The following SEPTIN3 variants were observed in gnomAD, a reference collection of about 807,000 sequenced individuals.
SEPTIN3 encodes the protein septin 3, also known as neuronal-specific septin-3.
SEPTIN3 carries 15 observed loss-of-function variants against 45.1 expected under a neutral mutation model. That is an observed-to-expected ratio of 0.33 (90% CI 0.22 to 0.51). The LOEUF is 0.51. Among genes scored for constraint, SEPTIN3 ranks in the 20% least tolerant of loss-of-function variants. SEPTIN3 has a pLI of 0.97. For synonymous variants in SEPTIN3, 148 were observed against 164.8 expected, an observed-to-expected ratio of 0.90 and a Z score of 0.78; for missense variants, 289 against 457.2, an observed-to-expected ratio of 0.63 and a Z score of 3.35.
intron 11 of SEPTIN3, chr22:41,995,361 A>G: frequency 1.0e-6 from 1 of 987,894 alleles, no homozygotes; most frequent in Non-Finnish European, 1.2e-6. Flanking sequence ...GTGCCTACAA[A>G]TGGAGCTCCA....
At position 41,974,650 on chromosome 22, in the gene SEPTIN3, G is replaced by T. The variant is rs543667519; in HGVS notation, c.1504+1654G>T. 4.1e-5 allele frequency among the ~76,000 whole-genome samples: 6 copies of T among 144,620 alleles called. No individual in the cohort carries two copies. In the South Asian group the frequency reaches 1.3e-3, roughly 31 times the overall value. 94.9% of individuals were successfully genotyped at this position (144,620 alleles called of 152,430 possible). The stretch of plus-strand genomic sequence containing the variant: ...TGCAATCCAGCCTGGGTGACAGAGT[G>T]AGACTCCGTCTCAAAAAAAAAAAAA... On this transcript the variant is annotated intron_variant, in intron 2 of 11. Transcript: ENST00000644076.
chr22:41,983,868 G>A (rs1200688292), intron 3 of SEPTIN3, among the ~76,000 whole-genome samples: 6 of 152,176 alleles, frequency 3.9e-5, no homozygotes, highest in Non-Finnish European at 5.9e-5. Flanking sequence ...CTCACACTAA[G>A]CAGCTCCTTG....
intron 6 of SEPTIN3, 43 bp downstream of exon 6, chr22:41,987,802 T>G (rs535874039): frequency 5.1e-6 from 8 of 1,581,286 alleles, no homozygotes; most frequent in Non-Finnish European, 6.9e-6. Flanking sequence ...TGGTCTGGTT[T>G]GTATCATCTG....
At chr22:41,985,870 C>T in intron 3 of SEPTIN3, 114 bp from the exon 4 acceptor site, 1 of 1,316,352 alleles carries the variant, frequency 7.6e-7, no homozygotes, top group Middle Eastern at 2.0e-4. Flanking sequence ...AGTGAGTGGT[C>T]AGACAAGGTG....
In SEPTIN3 at chr22:41,989,579, G is replaced by A. The variant is rs1015748188; in HGVS notation, c.2058G>A (p.Leu686=). The change falls in exon 7 of 12, where the codon CTG becomes CTA. Residue 686 remains leucine (L), a synonymous_variant. Coordinates refer to ENST00000644076, the MANE Select transcript of SEPTIN3 (RefSeq NM_001363845.2). ...ISPTGHSLRP[L]DLEFMKHLSK... Reference sequence around the variant, plus strand: ...TTCTGTGCCCCAGCTTGCGACCTCTGGATCTTGAGTTCATGAAACACCTCA... The same window carrying A: ...TTCTGTGCCCCAGCTTGCGACCTCTAGATCTTGAGTTCATGAAACACCTCA... 6.2e-7 allele frequency: 1 copy of A among 1,613,444 alleles called. No individual in the cohort carries two copies. The highest frequency in any genetic ancestry group is 8.5e-7 in the Non-Finnish European group (1 of 1,179,494).
In SEPTIN3 at chr22:41,994,255, A is replaced by C; in HGVS notation, c.2360-35A>C. 3 of 1,609,444 alleles carry C rather than the reference A, an allele frequency of 1.9e-6. No individual in the cohort carries two copies. Among genetic ancestry groups the C allele is most frequent in the Non-Finnish European group, 2.5e-6 (3 of 1,177,410 alleles). On this transcript the variant is annotated intron_variant, in intron 9 of 11. Transcript: ENST00000644076. The surrounding 1 kb of genome is among the most constrained non-coding windows in gnomAD (Gnocchi z 4.2). ...TGGGTGTTGCTGTATTAATGAACTG[A>C]CTACCTGTTTTGCTTTGTTTTGTTT...
At position 41,971,566 on chromosome 22, in the gene SEPTIN3, C is replaced by T. The variant is rs1223030349; in HGVS notation, c.74C>T (p.Ser25Phe). 3 of 399,114 alleles carry T rather than the reference C, an allele frequency of 7.5e-6. No individual in the cohort carries two copies. Among genetic ancestry groups the T allele is most frequent in the African/African-American group, 4.1e-5 (2 of 48,618 alleles). 24.7% of individuals were successfully genotyped at this position (399,114 alleles called of 1,614,324 possible). Residue 25 changes from serine (S) to phenylalanine (F), a missense_variant, in exon 2 of 12, where the codon TCC becomes TTC. This residue lies in a region of SEPTIN3 where 200 missense variants were observed against 315.1 expected (regional missense o/e 0.63). Transcript: ENST00000644076. ...HGAPGPGTSF[S>F]HSHVLGRPIR... Reference sequence around the variant, plus strand: ...GCTCCAGGCCCGGGAACCTCCTTCTCCCATAGCCATGTGCTGGGGCGCCCT... The same window carrying T: ...GCTCCAGGCCCGGGAACCTCCTTCTTCCATAGCCATGTGCTGGGGCGCCCT...
chr22:41,972,931 A>G lies in SEPTIN3; in HGVS notation c.1439A>G (p.Asn480Ser), dbSNP rs1274757101. The change falls in exon 2 of 12, where the codon AAC (asparagine) becomes AGC (serine). Residue 480 changes from asparagine (N) to serine (S), a missense_variant. By Grantham distance (46) the Asn-to-Ser change is conservative (BLOSUM62 1). This residue lies in a region of SEPTIN3 where 200 missense variants were observed against 315.1 expected (regional missense o/e 0.63). Coordinates refer to ENST00000644076, the MANE Select transcript of SEPTIN3 (RefSeq NM_001363845.2). ...AGATCCACAGACCTAGCCCTGGACA[A>G]CACTAATGCTGCCATGGACAGAGCC... ...PSRSTDLALD[N>S]TNAAMDRATE... The G allele has an allele frequency of 2.3e-5, 9 of 399,028 alleles. No individual in the cohort carries two copies. Among genetic ancestry groups the G allele is most frequent in the Non-Finnish European group, 3.5e-5 (8 of 226,212 alleles). The allele number at this position is 399,028 out of a possible 1,614,324, so 24.7% of individuals were successfully genotyped here. A position where few individuals can be genotyped will look rare whatever the true frequency, so the allele number is the denominator to read the frequency against.
At position 41,989,618 on chromosome 22, in the gene SEPTIN3, C is replaced by T; in HGVS notation, c.2097C>T (p.Asn699=). The T allele has an allele frequency of 1.2e-6, 2 of 1,614,148 alleles. No individual in the cohort carries two copies. Among genetic ancestry groups the T allele is most frequent in the South Asian group, 1.1e-5 (1 of 91,076 alleles). ...EFMKHLSKVV[N]IIPVIAKADT... ...TGAAACACCTCAGCAAGGTTGTGAA[C>T]ATCATCCCTGTCATTGCTAAGGCTG... is the stretch of plus-strand genomic sequence containing the variant. Residue 699 remains asparagine, a synonymous_variant, in exon 7 of 12, where the codon AAC becomes AAT. Transcript: ENST00000644076.
intron 7 of SEPTIN3, among the ~76,000 whole-genome samples, chr22:41,990,538 G>A (rs1198210535): frequency 1.9e-4 from 28 of 148,576 alleles, no homozygotes; most frequent in African/African-American, 6.7e-4. Context: ...GAAGTCAGGA[G>A]ATCAAGACCA....
Position 41,987,605 on chromosome 22 carries a change from C to T in SEPTIN3, c.1908-17C>T. The T allele has an allele frequency of 6.2e-7, 1 of 1,603,292 alleles. No individual in the cohort carries two copies. On this transcript the variant is annotated splice_polypyrimidine_tract_variant and intron_variant, in intron 5 of 11. Coordinates refer to ENST00000644076, the MANE Select transcript of SEPTIN3 (RefSeq NM_001363845.2). The stretch of plus-strand genomic sequence containing the variant: ...CTTGTTCTTCTGATGCATCTATCTA[C>T]TTTCCCTCCCCATCAGCTGGGAGCC...
chr22:41,990,638 C>T (rs1602420686), intron 7 of SEPTIN3, among the ~76,000 whole-genome samples: 2 of 146,510 alleles, frequency 1.4e-5, no homozygotes, highest in South Asian at 2.2e-4. Flanking sequence ...CCCAGCTACT[C>T]AGGAGGCTGA....
rs3221808 is a variant in SEPTIN3, at chr22:41,994,879, TTGTC to T, written c.2505+169_2505+172del. 8 of 1,442,446 alleles carry T rather than the reference TTGTC, an allele frequency of 5.5e-6. No homozygotes were observed. The highest frequency in any genetic ancestry group is 6.3e-6 in the Non-Finnish European group (7 of 1,105,298). 89.4% of individuals were successfully genotyped at this position (1,442,446 alleles called of 1,614,324 possible). The stretch of plus-strand genomic sequence containing the variant: ...GCCTGTCTGGTATTTGTGGAGCATC[TTGTC>T]TGTGTGTGTGTGTGTGTGTGTGTGT... On this transcript the variant is annotated intron_variant, in intron 11 of 11. Transcript: ENST00000644076. This position sits in a 1 kb window ranked among gnomAD's most constrained non-coding sequence, Gnocchi z 4.2.
chr22:41,987,859 C>T lies in SEPTIN3; in HGVS notation c.2045+100C>T, dbSNP rs2078235923. The T allele has an allele frequency of 1.1e-5, 14 of 1,311,482 alleles. No individual in the cohort carries two copies. The South Asian group carries it at 2.2e-4, about 20-fold the overall frequency. 81.2% of individuals were successfully genotyped at this position (1,311,482 alleles called of 1,614,324 possible). Reference sequence around the variant, plus strand: ...CCATACGTTGACTCAGCTAGGCCTCCCTAGCTGAGTCCTAGCCCTTCCAGC... The same window carrying T: ...CCATACGTTGACTCAGCTAGGCCTCTCTAGCTGAGTCCTAGCCCTTCCAGC... On this transcript the variant is annotated intron_variant, in intron 6 of 11. Coordinates refer to ENST00000644076, the MANE Select transcript of SEPTIN3 (RefSeq NM_001363845.2).
intron 3 of SEPTIN3, among the ~76,000 whole-genome samples, chr22:41,984,689 C>T (rs931814098): frequency 6.6e-5 from 10 of 151,792 alleles, no homozygotes; most frequent in Non-Finnish European, 1.3e-4. Flanking sequence ...CCACCATGCC[C>T]GGCTAATTTT....
At chr22:41,975,423 G>A (rs1237429965) in intron 2 of SEPTIN3, among the ~76,000 whole-genome samples, 1 of 152,076 alleles carries the variant, frequency 6.6e-6, no homozygotes, top group Non-Finnish European at 1.5e-5. Flanking sequence ...CACACACTCA[G>A]TCTGGGCACC....
chr22:41,991,664 TCAGGGTGGG>T lies in SEPTIN3; in HGVS notation c.2256_2259+5del. On this transcript the variant is annotated splice_donor_variant and splice_donor_5th_base_variant and coding_sequence_variant and intron_variant, in exon 8 of 12. Coordinates refer to ENST00000644076, the MANE Select transcript of SEPTIN3 (RefSeq NM_001363845.2). LOFTEE classifies it high-confidence loss of function. ...GAGGATAAGACGGAGAATGACAAAA[TCAGGGTGGG>T]TGCCTGGGGCACTGCTCCTCCACTG... is the stretch of plus-strand genomic sequence containing the variant. 6.2e-7 allele frequency: 1 copy of T among 1,610,178 alleles called. No homozygotes were observed. Among genetic ancestry groups the T allele is most frequent in the Non-Finnish European group, 8.5e-7 (1 of 1,176,466 alleles).
chr22:41,989,820 C>T, intron 7 of SEPTIN3, 136 bp downstream of exon 7: 1 of 615,288 alleles, frequency 1.6e-6, no homozygotes, highest in South Asian at 2.0e-5. Context: ...ACCCCAGCCC[C>T]CTTCTTAACC....
In SEPTIN3 at chr22:41,994,789, C is replaced by T. The variant is rs2078396846; in HGVS notation, c.2505+75C>T. ...TTCTCTGTGTCATCACACATACCCA[C>T]TTCACACACACACATCCCAAATACC... On this transcript the variant is annotated intron_variant, in intron 11 of 11. Coordinates refer to ENST00000644076, the MANE Select transcript of SEPTIN3 (RefSeq NM_001363845.2). The surrounding 1 kb of genome is among the most constrained non-coding windows in gnomAD (Gnocchi z 4.2). 6.2e-7 allele frequency: 1 copy of T among 1,612,982 alleles called. No individual in the cohort carries two copies. Among genetic ancestry groups the T allele is most frequent in the Non-Finnish European group, 8.5e-7 (1 of 1,179,738 alleles).
Sources: allele counts gnomAD v4.1 joint callset (sites outside exome capture counted in the v4.1 genomes callset), GRCh38; gene constraint gnomAD v4.1.1; regional missense constraint gnomAD v4.1.1; non-coding constraint Gnocchi (gnomAD v3.1); transcripts MANE v1.5; gene names NCBI Gene and HGNC (gene_info 2026-07-23, HGNC 2026-07-21).